EYA1: variants seen among roughly 807,000 people sequenced by gnomAD.
EYA1 encodes the protein EYA transcriptional coactivator and phosphatase 1.
In EYA1, 16 loss-of-function variants were observed where a neutral mutation model predicts 82.0. The ratio of observed to expected loss-of-function variants is 0.20; its 90% CI spans 0.13 to 0.30. EYA1 has a LOEUF of 0.30. EYA1 is among the 10% of genes least tolerant of loss of function. EYA1 has a pLI of 1.00. For synonymous variants in EYA1, 261 were observed against 264.4 expected (o/e 0.99, Z 0.12); for missense variants, 633 against 730.7 (o/e 0.87, Z 1.54).
chr8:71,470,935 TA>T (rs759983790), intron 2 of EYA1: 7,470 of 336,110 alleles, frequency 0.022, 4 homozygotes, highest in Admixed American at 0.032. Context: ...CAATGGGCTT[TA>T]AAAAAAAAAG....
intron 9 of EYA1, among the ~76,000 whole-genome samples, chr8:71,280,951 T>A (rs1817749434): frequency 2.6e-5 from 4 of 152,152 alleles, no homozygotes; most frequent in Admixed American, 1.3e-4. Context: ...ACAGATGTGG[T>A]TCCGCCACGT....
chr8:71,509,210 C>A (rs189277971), intron 2 of EYA1, among the ~76,000 whole-genome samples: 1 of 152,132 alleles, frequency 6.6e-6, no homozygotes, highest in Non-Finnish European at 1.5e-5. Context: ...GCCTGCGCAA[C>A]AAAGAGAGAC....
intron 12 of EYA1, among the ~76,000 whole-genome samples, chr8:71,236,633 G>A (rs1335751171): frequency 1.3e-5 from 2 of 152,146 alleles, no homozygotes. Context: ...GCTAGAATCT[G>A]CCACTCTACA....
At chr8:71,274,899 A>T (rs538312104) in intron 9 of EYA1, among the ~76,000 whole-genome samples, 1 of 152,152 alleles carries the variant, frequency 6.6e-6, no homozygotes, top group African/African-American at 2.4e-5. Context: ...CGAGAGAGAG[A>T]GAGTGAGCGA....
chr8:71,219,970 A>G (rs906199259), intron 12 of EYA1, among the ~76,000 whole-genome samples: 1 of 152,208 alleles, frequency 6.6e-6, no homozygotes, highest in Non-Finnish European at 1.5e-5. Flanking sequence ...TAAAACCCAG[A>G]CAATGAGATA....
chr8:71,212,279 A>T (rs1299605653), intron 16 of EYA1, among the ~76,000 whole-genome samples: 1 of 152,252 alleles, frequency 6.6e-6, no homozygotes, highest in East Asian at 1.9e-4. Flanking sequence ...TCTAGTTTGC[A>T]TCTGACACAA....
intron 2 of EYA1, among the ~76,000 whole-genome samples, chr8:71,395,171 T>A (rs1021814168): frequency 6.6e-6 from 1 of 152,266 alleles, no homozygotes; most frequent in African/African-American, 2.4e-5. Flanking sequence ...AAGTTGCTTA[T>A]CAGCTTAAGG....
At chr8:71,252,789 A>G (rs1330245701) in intron 11 of EYA1, among the ~76,000 whole-genome samples, 1 of 152,240 alleles carries the variant, frequency 6.6e-6, no homozygotes, top group Non-Finnish European at 1.5e-5. Flanking sequence ...CTTCAAAAAA[A>G]TCAATTACTT....
intron 2 of EYA1, among the ~76,000 whole-genome samples, chr8:71,386,852 G>A (rs1828994894): frequency 6.6e-6 from 1 of 152,172 alleles, no homozygotes; most frequent in South Asian, 2.1e-4. Flanking sequence ...ACAACCTGAT[G>A]TAAGGATTCA....
intron 2 of EYA1, among the ~76,000 whole-genome samples, chr8:71,447,550 A>G (rs1270441413): frequency 2.0e-5 from 3 of 152,188 alleles, no homozygotes; most frequent in Non-Finnish European, 4.4e-5. Flanking sequence ...CTATCTAATT[A>G]TATTGATTTA....
chr8:71,318,635 G>A (rs1822185128), intron 6 of EYA1, among the ~76,000 whole-genome samples: 1 of 152,128 alleles, frequency 6.6e-6, no homozygotes, highest in South Asian at 2.1e-4. Flanking sequence ...AGGGAGGGAA[G>A]AAAAATTTCT....
At chr8:71,228,392 T>C (rs1349666306) in intron 12 of EYA1, among the ~76,000 whole-genome samples, 1 of 151,828 alleles carries the variant, frequency 6.6e-6, no homozygotes, top group African/African-American at 2.4e-5. Flanking sequence ...GGAGCCCTGG[T>C]GTGCCTGCCC....
chr8:71,394,681 T>C (rs1003418507), intron 2 of EYA1, among the ~76,000 whole-genome samples: 1 of 152,154 alleles, frequency 6.6e-6, no homozygotes, highest in Non-Finnish European at 1.5e-5. Context: ...ACCATGCTGG[T>C]TTGGTTACTG....
rs139392300 is a variant in EYA1, at chr8:71,416,428, T to C, written c.34-59917A>G. 3.7e-3 allele frequency among the ~76,000 whole-genome samples: 567 copies of C among 152,334 alleles called. 4 individuals carry two copies. The highest frequency in any genetic ancestry group is 4.8e-3 in the Non-Finnish European group (325 of 68,024). On this transcript the variant is annotated intron_variant, in intron 2 of 18. Transcript: ENST00000643681. The stretch of plus-strand genomic sequence containing the variant: ...TTCTATCTCCTGCTGGGATTCTAAC[T>C]GATCCAGAGTACAAAAGTACAATAC...
At chr8:71,356,288 A>G (rs1032332382) in intron 2 of EYA1, among the ~76,000 whole-genome samples, 174 bp downstream of exon 2, 4 of 152,198 alleles carry the variant, frequency 2.6e-5, no homozygotes, top group Non-Finnish European at 5.9e-5. Flanking sequence ...CGAGGCTCCT[A>G]TTCCCTTTCT....
chr8:71,253,409 AATC>A (rs1238590421), intron 11 of EYA1, among the ~76,000 whole-genome samples: 1 of 152,196 alleles, frequency 6.6e-6, no homozygotes, highest in Non-Finnish European at 1.5e-5. Flanking sequence ...AGTTTGGTTG[AATC>A]ATCAAACTGA....
chr8:71,526,292 T>C (rs1038032734), intron 2 of EYA1, among the ~76,000 whole-genome samples: 1 of 151,030 alleles, frequency 6.6e-6, no homozygotes, highest in African/African-American at 2.4e-5. Context: ...TAGTTATACA[T>C]AGTATATATG....
At chr8:71,499,005 C>A (rs1016544290) in intron 2 of EYA1, among the ~76,000 whole-genome samples, 4 of 152,188 alleles carry the variant, frequency 2.6e-5, no homozygotes, top group African/African-American at 9.7e-5. Context: ...GTGCCCCCTG[C>A]CAGCTCTGGC....
intron 11 of EYA1, among the ~76,000 whole-genome samples, chr8:71,258,602 T>C (rs1448317343): frequency 6.6e-6 from 1 of 152,208 alleles, no homozygotes; most frequent in African/African-American, 2.4e-5. Flanking sequence ...GGAATTTTTC[T>C]AGGTCCCCAG....
Sources: gnomAD v4.1 joint callset for allele counts (sites outside exome capture counted in the v4.1 genomes callset) on GRCh38, gnomAD v4.1.1 for gene constraint, MANE v1.5 for transcripts, NCBI Gene and HGNC (gene_info 2026-07-23, HGNC 2026-07-21) for gene names.